GTF3A: variants seen among roughly 807,000 people sequenced by gnomAD.
GTF3A encodes transcription factor IIIA.
A neutral mutation model predicts 37.6 loss-of-function variants in GTF3A; 40 were observed. The observed-to-expected ratio is 1.06, with a 90% CI of 0.83 to 1.38. The LOEUF is 1.38. Ranked by LOEUF, GTF3A falls within the 40% of genes most tolerant of loss-of-function variation. The pLI, the probability that GTF3A is intolerant of heterozygous loss-of-function variation, is 0.00. For missense variants in GTF3A, 500 were observed against 462.6 expected, an observed-to-expected ratio of 1.08 and a Z score of -0.74; for synonymous variants, 191 against 166.7, an observed-to-expected ratio of 1.15 and a Z score of -1.12.
At chr13:27,435,338 G>A (rs1953702959) in intron 8 of GTF3A, 95 bp from the exon 9 acceptor site, 2 of 1,347,318 alleles carry the variant, frequency 1.5e-6, no homozygotes, top group Admixed American at 2.0e-5. Context: ...AAGCAATGTT[G>A]TACACTATAT....
rs1953669636 is a variant in GTF3A at position 27,432,817 on chromosome 13, A to G, written c.562+13A>G. ...AAGGCCCACGAGGGTGTGTACGGAT[A>G]GCCTGGGTGTGCTCCGAGGGGGATG... is the stretch of plus-strand genomic sequence containing the variant. On this transcript the variant is annotated intron_variant, in intron 5 of 8. Coordinates refer to ENST00000381140, the MANE Select transcript of GTF3A (RefSeq NM_002097.3). 6.3e-7 allele frequency: 1 copy of G among 1,591,452 alleles called. No homozygotes were observed. The highest frequency in any genetic ancestry group is 1.3e-5 in the African/African-American group (1 of 74,650).
chr13:27,431,680 G>A (rs893156100), intron 4 of GTF3A, among the ~76,000 whole-genome samples: 7 of 152,188 alleles, frequency 4.6e-5, no homozygotes, highest in Non-Finnish European at 1.0e-4. Context: ...ATTGGGTACA[G>A]TGTATGCTGC....
chr13:27,429,697 A>C (rs1286822457), intron 2 of GTF3A, among the ~76,000 whole-genome samples, 173 bp from the exon 3 acceptor site: 1 of 152,240 alleles, frequency 6.6e-6, no homozygotes, highest in Non-Finnish European at 1.5e-5. Context: ...CATGATAGTC[A>C]TCAGGTTGAG....
chr13:27,434,723 G>A, intron 6 of GTF3A, 82 bp from the exon 7 acceptor site: 2 of 712,262 alleles, frequency 2.8e-6, no homozygotes, highest in South Asian at 3.7e-5. Flanking sequence ...GGCACTGAAT[G>A]TTACTTATAT....
At position 27,435,713 on chromosome 13, in the gene GTF3A, G is replaced by A; in HGVS notation, c.*116G>A. On this transcript the variant is annotated 3_prime_UTR_variant, in exon 9 of 9. Transcript: ENST00000381140. ...ACATTTGATTCCTTATCATTTCCAT[G>A]GTCTTTGTTCAAAGTGTCTCTTTCC... The A allele has an allele frequency of 6.2e-7, 1 of 1,613,958 alleles. No individual in the cohort carries two copies. The highest frequency in any genetic ancestry group is 8.5e-7 in the Non-Finnish European group (1 of 1,179,928).
In GTF3A at chr13:27,432,757, A is replaced by G. The variant is rs774494091; in HGVS notation, c.515A>G (p.His172Arg). ...TGTACCCAGGAAGGATGTGGGAAAC[A>G]CTTTGCATCACCCAGCAAGCTGAAA... The change falls in exon 5 of 9, where the codon CAC becomes CGC. Residue 172 changes from histidine to arginine, a missense_variant. Coordinates refer to ENST00000381140, the MANE Select transcript of GTF3A (RefSeq NM_002097.3). The G allele has an allele frequency of 3.7e-6, 6 of 1,606,060 alleles. No individual in the cohort carries two copies. In the African/African-American group the frequency reaches 5.3e-5, roughly 14 times the overall value.
chr13:27,426,345 T>C (rs1593177229), intron 1 of GTF3A: 1 of 152,322 alleles, frequency 6.6e-6, no homozygotes, highest in Non-Finnish European at 1.5e-5. Context: ...CCTGGTGGTA[T>C]GTAGCTCACT....
chr13:27,424,784 T>TCGC lies in GTF3A; in HGVS notation c.50_52dup (p.Ala17dup). Reference sequence around the variant, plus strand: ...GCCGAGTCGGTGTCGTCCTTGACCATCGCCGACGCGTTCATTGCAGCCGGC... The same window carrying TCGC: ...GCCGAGTCGGTGTCGTCCTTGACCATCGCCGCCGACGCGTTCATTGCAGCCGGC... On this transcript the variant is annotated inframe_insertion, in exon 1 of 9. Coordinates refer to ENST00000381140, the MANE Select transcript of GTF3A (RefSeq NM_002097.3). 1.3e-6 allele frequency: 2 copies of TCGC among 1,544,054 alleles called. No individual in the cohort carries two copies. Among genetic ancestry groups the TCGC allele is most frequent in the Non-Finnish European group, 1.7e-6 (2 of 1,144,836 alleles).
intron 2 of GTF3A, 83 bp downstream of exon 2, chr13:27,427,275 G>A (rs1237377589): frequency 2.9e-5 from 21 of 736,022 alleles, no homozygotes; most frequent in South Asian, 2.5e-4. Flanking sequence ...GTTAACTCAC[G>A]AGATCAGGAA....
intron 3 of GTF3A, 77 bp downstream of exon 3, chr13:27,430,043 G>C: frequency 5.4e-6 from 4 of 744,216 alleles, no homozygotes; most frequent in Non-Finnish European, 8.4e-6. Context: ...TTTTCAGCCA[G>C]GTGCGGTGGC....
intron 2 of GTF3A, among the ~76,000 whole-genome samples, chr13:27,427,411 GTACAAAAA>G (rs946829921): frequency 6.6e-6 from 1 of 152,080 alleles, no homozygotes. Flanking sequence ...AACCCCGTAT[GTACAAAAA>G]TACAAAAATT....
chr13:27,427,491 A>G (rs1953615953), intron 2 of GTF3A, among the ~76,000 whole-genome samples: 1 of 152,136 alleles, frequency 6.6e-6, no homozygotes, highest in South Asian at 2.1e-4. Flanking sequence ...CTAACATAAA[A>G]TGCTCATGGG....
rs1401462840 is a variant in GTF3A at position 27,432,820 on chromosome 13, C to T, written c.562+16C>T. 1.3e-6 allele frequency: 2 copies of T among 1,587,750 alleles called. No individual in the cohort carries two copies. Among genetic ancestry groups the T allele is most frequent in the African/African-American group, 1.3e-5 (1 of 74,530 alleles). ...GCCCACGAGGGTGTGTACGGATAGC[C>T]TGGGTGTGCTCCGAGGGGGATGCCA... On this transcript the variant is annotated intron_variant, in intron 5 of 8. Coordinates refer to ENST00000381140, the MANE Select transcript of GTF3A (RefSeq NM_002097.3).
intron 4 of GTF3A, among the ~76,000 whole-genome samples, 198 bp downstream of exon 4, chr13:27,430,819 T>C (rs1408134427): frequency 6.6e-6 from 1 of 152,250 alleles, no homozygotes; most frequent in African/African-American, 2.4e-5. Flanking sequence ...ATCCTGGATA[T>C]ACATTCTTTA....
rs775457810 is a variant in GTF3A, at chr13:27,434,133, T to A, written c.563-6T>A. 6 of 1,122,752 alleles carry A rather than the reference T, an allele frequency of 5.3e-6. No homozygotes were observed. The highest frequency in any genetic ancestry group is 1.5e-5 in the African/African-American group (1 of 65,758). The allele number at this position is 1,122,752 out of a possible 1,614,324, so 69.5% of individuals were successfully genotyped here. A position where few individuals can be genotyped will look rare whatever the true frequency, so the allele number is the denominator to read the frequency against. On this transcript the variant is annotated splice_region_variant and splice_polypyrimidine_tract_variant and intron_variant, in intron 5 of 8. Transcript: ENST00000381140. Reference sequence around the variant, plus strand: ...ATGACAGACAATGCACCAATTTTTTTAATAGGCTATGTATGTCAAAAAGGA... The same window carrying A: ...ATGACAGACAATGCACCAATTTTTTAAATAGGCTATGTATGTCAAAAAGGA...
At chr13:27,427,056 T>G (rs1953611668) in intron 1 of GTF3A, 36 bp from the exon 2 acceptor site, 1 of 1,036,536 alleles carries the variant, frequency 9.6e-7, no homozygotes, top group South Asian at 1.3e-5. Flanking sequence ...TACTAACTAG[T>G]GCAGAAGTGA....
At position 27,434,727 on chromosome 13, in the gene GTF3A, CTTATATA is replaced by C. The variant is rs1953693066; in HGVS notation, c.644-74_644-68del. 2.9e-5 allele frequency: 21 copies of C among 731,290 alleles called. No homozygotes were observed. The South Asian group carries it at 3.8e-4, about 13-fold the overall frequency. 45.3% of individuals were successfully genotyped at this position (731,290 alleles called of 1,614,324 possible). On this transcript the variant is annotated intron_variant, in intron 6 of 8. Transcript: ENST00000381140. Reference sequence around the variant, plus strand: ...ATCAGGTTTCAGGCACTGAATGTTACTTATATATTAGGTATTAATTTTTTCTAAATGG... The same window carrying C: ...ATCAGGTTTCAGGCACTGAATGTTACTTAGGTATTAATTTTTTCTAAATGG...
At chr13:27,428,644 G>A (rs1042604736) in intron 2 of GTF3A, among the ~76,000 whole-genome samples, 3 of 152,150 alleles carry the variant, frequency 2.0e-5, no homozygotes, top group African/African-American at 7.2e-5. Context: ...GACTCTTCCT[G>A]GCCTGTCCTC....
At position 27,425,015 on chromosome 13, in the gene GTF3A, G is replaced by A. The variant is rs560054219; in HGVS notation, c.201+77G>A. 349 of 1,084,018 alleles carry A rather than the reference G, an allele frequency of 3.2e-4. 2 individuals carry two copies. In the African/African-American group the frequency reaches 5.0e-3, roughly 16 times the overall value. The allele number at this position is 1,084,018 out of a possible 1,614,324, so 67.1% of individuals were successfully genotyped here. A position where few individuals can be genotyped will look rare whatever the true frequency, so the allele number is the denominator to read the frequency against. On this transcript the variant is annotated intron_variant, in intron 1 of 8. Coordinates refer to ENST00000381140, the MANE Select transcript of GTF3A (RefSeq NM_002097.3). ...GGGGTAGCCACTGCAGTCGTGGCCA[G>A]GGCCGCAGGCCCCGCTGTGCAGCGC...
Sources: allele counts gnomAD v4.1 joint callset (sites outside exome capture counted in the v4.1 genomes callset), GRCh38; gene constraint gnomAD v4.1.1; transcripts MANE v1.5; gene names NCBI Gene and HGNC (gene_info 2026-07-23, HGNC 2026-07-21).